GAL3ST2: variants seen among roughly 807,000 people sequenced by gnomAD.
The protein encoded by GAL3ST2 is beta-galactose-3-O-sulfotransferase 2.
In GAL3ST2, 16 loss-of-function variants were observed where a neutral mutation model predicts 12.9. The ratio of observed to expected loss-of-function variants is 1.24; its 90% CI spans 0.84 to 1.88. GAL3ST2 has a LOEUF of 1.88. GAL3ST2 is among the 40% of genes most tolerant of loss of function. The probability of loss-of-function intolerance (pLI) is 0.00; values close to 1 mark genes in which losing one functional copy is unlikely to be tolerated. For synonymous variants in GAL3ST2, 302 were observed against 273.9 expected, an observed-to-expected ratio of 1.10 and a Z score of -1.01; for missense variants, 639 against 571.8, an observed-to-expected ratio of 1.12 and a Z score of -1.20.
In GAL3ST2 at chr2:241,801,364, C is replaced by A; in HGVS notation, c.120-417C>A. The A allele has an allele frequency of 4.5e-6, 1 of 221,280 alleles. No individual in the cohort carries two copies. Among genetic ancestry groups the A allele is most frequent in the Admixed American group, 5.3e-5 (1 of 19,028 alleles). 13.7% of individuals were successfully genotyped at this position (221,280 alleles called of 1,614,324 possible). ...CATTTTCTTTACGGTCTCTATGTAACATTCACACCCGGCAGCTGCTGGGTC... is the reference window on the plus strand; with the variant it reads ...CATTTTCTTTACGGTCTCTATGTAAAATTCACACCCGGCAGCTGCTGGGTC... On this transcript the variant is annotated intron_variant, in intron 2 of 3. Coordinates refer to ENST00000192314, the MANE Select transcript of GAL3ST2 (RefSeq NM_022134.3). The surrounding 1 kb of genome is among the most constrained non-coding windows in gnomAD (Gnocchi z 4.4).
At position 241,803,933 on chromosome 2, in the gene GAL3ST2, C is replaced by T. The variant is rs746595857; in HGVS notation, c.964C>T (p.Leu322=). 168 of 1,452,922 alleles carry T rather than the reference C, an allele frequency of 1.2e-4. No individual in the cohort carries two copies. Among genetic ancestry groups the T allele is most frequent in the Non-Finnish European group, 1.3e-4 (148 of 1,106,192 alleles). 90.0% of individuals were successfully genotyped at this position (1,452,922 alleles called of 1,614,324 possible). A position where few individuals can be genotyped will look rare whatever the true frequency, so the allele number is the denominator to read the frequency against. ...ARRRELASLC[L]QDGGALKNHT... is the part of the protein sequence containing the mutation. ...GAGGCGCGAACTCGCGAGCCTGTGC[C>T]TGCAGGACGGCGGCGCGCTCAAGAA... The change falls in exon 4 of 4, where the codon CTG becomes TTG. Residue 322 remains leucine (L), a synonymous_variant. Transcript: ENST00000192314.
At chr2:241,789,834 T>C (rs1699674171) in intron 1 of GAL3ST2, among the ~76,000 whole-genome samples, 1 of 151,854 alleles carries the variant, frequency 6.6e-6, no homozygotes, top group Non-Finnish European at 1.5e-5. Flanking sequence ...TACTCCAGCC[T>C]GGGCTGATAA....
At chr2:241,784,466 T>G (rs1275314369) in intron 1 of GAL3ST2, among the ~76,000 whole-genome samples, 1 of 152,226 alleles carries the variant, frequency 6.6e-6, no homozygotes, top group Non-Finnish European at 1.5e-5. Flanking sequence ...ATTGCTTGAT[T>G]AACAAATGCA....
At position 241,793,677 on chromosome 2, in the gene GAL3ST2, T is replaced by C. The variant is rs979160614; in HGVS notation, c.30-5388T>C. Among the ~76,000 whole-genome samples, 5 of 151,950 alleles carry C rather than the reference T, an allele frequency of 3.3e-5. No individual in the cohort carries two copies. The highest frequency in any genetic ancestry group is 5.9e-5 in the Non-Finnish European group (4 of 67,952). On this transcript the variant is annotated intron_variant, in intron 1 of 3. Transcript: ENST00000192314. This position sits in a 1 kb window ranked among gnomAD's most constrained non-coding sequence, Gnocchi z 4.7. ...ATGCATATGTGTGTGTATGCACATATTGTGTATGTGTGTGTATATGTGTAT... is the reference window on the plus strand; with the variant it reads ...ATGCATATGTGTGTGTATGCACATACTGTGTATGTGTGTGTATATGTGTAT...
Position 241,776,969 on chromosome 2 carries a change from T to TGGGC in GAL3ST2, c.17_20dup (p.Leu8ArgfsTer41), listed in dbSNP as rs1559410842. On this transcript the variant is annotated frameshift_variant, in exon 1 of 4. Transcript: ENST00000192314. LOFTEE classifies it high-confidence loss of function. ...CCAGAGGCCAAGATGATGTCCATGC[T>TGGGC]GGGCGGCTTGCAGAGGTAAGGGGGG... The TGGGC allele has an allele frequency of 6.4e-7, 1 of 1,552,304 alleles. No homozygotes were observed. The highest frequency in any genetic ancestry group is 1.8e-5 in the Admixed American group (1 of 55,420).
intron 1 of GAL3ST2, among the ~76,000 whole-genome samples, chr2:241,787,365 A>T (rs1699639475): frequency 6.6e-6 from 1 of 152,002 alleles, no homozygotes; most frequent in African/African-American, 2.4e-5. Context: ...TGGTAACCAC[A>T]GAGGGATTCT....
At position 241,793,091 on chromosome 2, in the gene GAL3ST2, A is replaced by G. The variant is rs1382204755; in HGVS notation, c.30-5974A>G. Among the ~76,000 whole-genome samples, 4 of 152,204 alleles carry G rather than the reference A, an allele frequency of 2.6e-5. No individual in the cohort carries two copies. Among genetic ancestry groups the G allele is most frequent in the Non-Finnish European group, 5.9e-5 (4 of 68,028 alleles). On this transcript the variant is annotated intron_variant, in intron 1 of 3. Transcript: ENST00000192314. The surrounding 1 kb of genome is among the most constrained non-coding windows in gnomAD (Gnocchi z 4.7). ...ATGTCTCCCTACAATGTATAAAGCC[A>G]GACTGTGCCCTGACCACCTTGGGCA...
rs888518496 is a variant in GAL3ST2 at position 241,802,227 on chromosome 2, C to A, written c.375+191C>A. On this transcript the variant is annotated intron_variant, in intron 3 of 3. Transcript: ENST00000192314. The surrounding 1 kb of genome is among the most constrained non-coding windows in gnomAD (Gnocchi z 4.8). Reference sequence around the variant, plus strand: ...CCTGCCCCTCCAGGCGGCCAGTCGCCTGCCGTTGCTCTTGGAATGAGACCT... The same window carrying A: ...CCTGCCCCTCCAGGCGGCCAGTCGCATGCCGTTGCTCTTGGAATGAGACCT... Among the ~76,000 whole-genome samples, 1 of 152,182 alleles carries A rather than the reference C, an allele frequency of 6.6e-6. No homozygotes were observed. The highest frequency in any genetic ancestry group is 1.5e-5 in the Non-Finnish European group (1 of 68,020).
At position 241,804,077 on chromosome 2, in the gene GAL3ST2, G is replaced by T. The variant is rs950550096; in HGVS notation, c.1108G>T (p.Val370Leu). The part of the protein sequence containing the change: ...NQTLGVCQRL[V>L]MPELQYMARL... The stretch of plus-strand genomic sequence containing the variant: ...GACGCTGGGCGTGTGCCAGAGGCTT[G>T]TGATGCCTGAGCTCCAGTACATGGC... The change falls in exon 4 of 4, where the codon GTG becomes TTG. Residue 370 changes from valine to leucine, a missense_variant. Val to Leu is a conservative substitution (Grantham distance 32). Transcript: ENST00000192314. The T allele has an allele frequency of 8.4e-6, 13 of 1,543,602 alleles. No individual in the cohort carries two copies. Among genetic ancestry groups the T allele is most frequent in the Non-Finnish European group, 9.6e-6 (11 of 1,145,468 alleles).
Position 241,793,597 on chromosome 2 carries a change from G to A in GAL3ST2, c.30-5468G>A, listed in dbSNP as rs896717208. ...CGTATATGTGTATGTATGTATATGT[G>A]TATATGTGTGTGTATTGTGTGTGTA... On this transcript the variant is annotated intron_variant, in intron 1 of 3. Transcript: ENST00000192314. The surrounding 1 kb of genome is among the most constrained non-coding windows in gnomAD (Gnocchi z 4.7). 6.9e-6 allele frequency among the ~76,000 whole-genome samples: 1 copy of A among 144,828 alleles called. No homozygotes were observed. Among genetic ancestry groups the A allele is most frequent in the African/African-American group, 2.7e-5 (1 of 37,034 alleles).
Position 241,802,127 on chromosome 2 carries a change from A to T in GAL3ST2, c.375+91A>T. On this transcript the variant is annotated intron_variant, in intron 3 of 3. Transcript: ENST00000192314. The surrounding 1 kb of genome is among the most constrained non-coding windows in gnomAD (Gnocchi z 4.8). ...TGTAGCCTGGAGGCTGGAGAGAAGG[A>T]GTGTAAGGCTTGGGGGCGGGGCGTG... 27 of 1,134,038 alleles carry T rather than the reference A, an allele frequency of 2.4e-5. No homozygotes were observed. Among genetic ancestry groups the T allele is most frequent in the East Asian group, 7.2e-5 (2 of 27,932 alleles). 70.2% of individuals were successfully genotyped at this position (1,134,038 alleles called of 1,614,324 possible).
At chr2:241,785,857 T>TACAC (rs142153611) in intron 1 of GAL3ST2, among the ~76,000 whole-genome samples, 219 of 150,154 alleles carry the variant, frequency 1.5e-3, no homozygotes, top group Non-Finnish European at 2.6e-3. Flanking sequence ...GCCTTTTAAA[T>TACAC]ACACACACAC....
In GAL3ST2 at chr2:241,799,010, G is replaced by T. The variant is rs550436685; in HGVS notation, c.30-55G>T. On this transcript the variant is annotated intron_variant, in intron 1 of 3. Transcript: ENST00000192314. The stretch of plus-strand genomic sequence containing the variant: ...TGGACTTGGCTGCAGGATGGGAGGT[G>T]GGGGTGGGGCTGGCACGACCCGGAC... The T allele has an allele frequency of 1.4e-5, 20 of 1,396,880 alleles. 1 individual carries two copies. The African/African-American group carries it at 2.7e-4, about 19-fold the overall frequency. 86.5% of individuals were successfully genotyped at this position (1,396,880 alleles called of 1,614,324 possible).
At chr2:241,791,509 T>C (rs1046509610) in intron 1 of GAL3ST2, among the ~76,000 whole-genome samples, 5 of 152,182 alleles carry the variant, frequency 3.3e-5, no homozygotes, top group African/African-American at 1.2e-4. Flanking sequence ...GTTCCTGACC[T>C]GTGGCAAGAA....
In GAL3ST2 at chr2:241,801,709, T is replaced by TG; in HGVS notation, c.120-67dup. On this transcript the variant is annotated intron_variant, in intron 2 of 3. Transcript: ENST00000192314. The surrounding 1 kb of genome is among the most constrained non-coding windows in gnomAD (Gnocchi z 4.4). Reference sequence around the variant, plus strand: ...AGGTCTCTCCTTGCGGTTGCCGGGCTGGGGGTCGCTGTTGGGCGGGGGTTG... The same window carrying TG: ...AGGTCTCTCCTTGCGGTTGCCGGGCTGGGGGGTCGCTGTTGGGCGGGGGTTG... 3 of 1,494,664 alleles carry TG rather than the reference T, an allele frequency of 2.0e-6. No homozygotes were observed. The highest frequency in any genetic ancestry group is 2.4e-5 in the East Asian group (1 of 41,622). 92.6% of individuals were successfully genotyped at this position (1,494,664 alleles called of 1,614,324 possible).
At chr2:241,777,402 G>A (rs1197909345) in intron 1 of GAL3ST2, among the ~76,000 whole-genome samples, 5 of 152,170 alleles carry the variant, frequency 3.3e-5, no homozygotes, top group Admixed American at 6.5e-5. Context: ...TCATGCGTGC[G>A]CTTCAGGATG....
chr2:241,782,376 AG>A (rs1302468020), intron 1 of GAL3ST2, among the ~76,000 whole-genome samples: 1 of 151,942 alleles, frequency 6.6e-6, no homozygotes, highest in East Asian at 1.9e-4. Context: ...CCCAGTCTGG[AG>A]TGCAGTGGTG....
Position 241,803,410 on chromosome 2 carries a change from G to GTA in GAL3ST2, c.441_442insTA (p.Glu148Ter), listed in dbSNP as rs1699882649. ...TCCTGAGGAACCCCGTGTTCCAGCT[G>GTA]GAGTCCTCCTTCATCTACTACAAAA... is the stretch of plus-strand genomic sequence containing the variant. On this transcript the variant is annotated frameshift_variant, in exon 4 of 4. Coordinates refer to ENST00000192314, the MANE Select transcript of GAL3ST2 (RefSeq NM_022134.3). LOFTEE classifies it low-confidence loss of function (END_TRUNC). The GTA allele has an allele frequency of 5.0e-6, 8 of 1,612,738 alleles. No individual in the cohort carries two copies. Among genetic ancestry groups the GTA allele is most frequent in the Non-Finnish European group, 6.8e-6 (8 of 1,179,632 alleles).
chr2:241,793,516 ATG>A lies in GAL3ST2; in HGVS notation c.30-5543_30-5542del, dbSNP rs934512113. On this transcript the variant is annotated intron_variant, in intron 1 of 3. Transcript: ENST00000192314. This position sits in a 1 kb window ranked among gnomAD's most constrained non-coding sequence, Gnocchi z 4.7. ...ATATTGTGTATGTGTGTGTATATGT[ATG>A]TGTGTATTGTGTTTATATGTATGTG... 3.0e-4 allele frequency among the ~76,000 whole-genome samples: 45 copies of A among 149,042 alleles called. No individual in the cohort carries two copies. Among genetic ancestry groups the A allele is most frequent in the Middle Eastern group, 6.9e-3 (2 of 288 alleles).
Sources: allele counts gnomAD v4.1 joint callset (sites outside exome capture counted in the v4.1 genomes callset), GRCh38; gene constraint gnomAD v4.1.1; non-coding constraint Gnocchi (gnomAD v3.1); transcripts MANE v1.5; gene names NCBI Gene and HGNC (gene_info 2026-07-23, HGNC 2026-07-21).